SRPK2: variants seen among roughly 807,000 people sequenced by gnomAD.
SRPK2 encodes SFRS protein kinase 2.
SRPK2 carries 21 observed loss-of-function variants against 90.8 expected under a neutral mutation model. That is an observed-to-expected ratio of 0.23 (90% CI 0.16 to 0.33). The LOEUF is 0.33. SRPK2 is among the 10% of genes least tolerant of loss of function. The pLI is 1.00. For synonymous variants in SRPK2, 288 were observed against 311.1 expected, an observed-to-expected ratio of 0.93 and a Z score of 0.78; for missense variants, 620 against 869.0, an observed-to-expected ratio of 0.71 and a Z score of 3.60.
intron 2 of SRPK2, among the ~76,000 whole-genome samples, chr7:105,207,411 C>T (rs1796347222): frequency 6.6e-6 from 1 of 152,166 alleles, no homozygotes; most frequent in African/African-American, 2.4e-5. Context: ...TCACCAAATA[C>T]ATACTCATTA....
At chr7:105,380,108 T>C (rs956173435) in intron 2 of SRPK2, among the ~76,000 whole-genome samples, 1 of 152,122 alleles carries the variant, frequency 6.6e-6, no homozygotes, top group African/African-American at 2.4e-5. Flanking sequence ...AGATCCTATC[T>C]CTAAAAAAGA....
rs1812167456 is a variant in SRPK2, at chr7:105,315,079, C to T, written c.71+73569G>A. 1.3e-5 allele frequency among the ~76,000 whole-genome samples: 2 copies of T among 152,096 alleles called. 1 individual carries two copies. The highest frequency in any genetic ancestry group is 6.3e-3 in the Middle Eastern group (2 of 316). On this transcript the variant is annotated intron_variant, in intron 2 of 15. Transcript: ENST00000393651. ...ATCACTTGAGCACAGGAGTTCGAGA[C>T]CAGCCTGCACACCATAGGGGATCCC...
chr7:105,203,562 C>A, intron 3 of SRPK2, 66 bp downstream of exon 3: 2 of 1,388,758 alleles, frequency 1.4e-6, no homozygotes, highest in Non-Finnish European at 1.9e-6. Context: ...TGTCCATTCC[C>A]CCAACAAATT....
intron 2 of SRPK2, among the ~76,000 whole-genome samples, chr7:105,298,401 C>T (rs1187083973): frequency 6.6e-6 from 1 of 152,130 alleles, no homozygotes; most frequent in Non-Finnish European, 1.5e-5. Context: ...ATTTGAAAAG[C>T]CCACATTTTT....
At chr7:105,267,170 A>G (rs1026732696) in intron 2 of SRPK2, among the ~76,000 whole-genome samples, 1 of 152,174 alleles carries the variant, frequency 6.6e-6, no homozygotes, top group East Asian at 1.9e-4. Flanking sequence ...GTAAATAAAT[A>G]AAATCACTAA....
At chr7:105,175,964 AC>A (rs1791788613) in intron 3 of SRPK2, among the ~76,000 whole-genome samples, 1 of 152,210 alleles carries the variant, frequency 6.6e-6, no homozygotes, top group African/African-American at 2.4e-5. Context: ...AAGAGGAAAT[AC>A]TTCCAGTTTT....
chr7:105,205,863 T>G, intron 2 of SRPK2: 1 of 509,192 alleles, frequency 2.0e-6, no homozygotes, highest in Admixed American at 2.0e-5. Context: ...TGAGAAATAC[T>G]TTGAAAGCTA....
intron 2 of SRPK2, among the ~76,000 whole-genome samples, chr7:105,361,063 T>G (rs1162518208): frequency 6.6e-6 from 1 of 152,214 alleles, no homozygotes; most frequent in African/African-American, 2.4e-5. Flanking sequence ...ATGACATGAT[T>G]GTCTATTTAG....
chr7:105,352,936 A>G (rs1200019084), intron 2 of SRPK2, among the ~76,000 whole-genome samples: 1 of 152,050 alleles, frequency 6.6e-6, no homozygotes, highest in Non-Finnish European at 1.5e-5. Flanking sequence ...TAGTCATCAG[A>G]ATTACATGAT....
intron 2 of SRPK2, among the ~76,000 whole-genome samples, chr7:105,329,056 A>G (rs971059702): frequency 1.2e-4 from 19 of 152,030 alleles, no homozygotes; most frequent in Non-Finnish European, 5.9e-5. Context: ...TAAACAGAAT[A>G]AGAACTGCAA....
intron 2 of SRPK2, among the ~76,000 whole-genome samples, chr7:105,246,448 A>G (rs1020456468): frequency 1.1e-4 from 16 of 152,262 alleles, no homozygotes; most frequent in African/African-American, 3.9e-4. Context: ...GATGTAAAGT[A>G]GACAGCTGGA....
chr7:105,344,555 A>G (rs1296468266), intron 2 of SRPK2, among the ~76,000 whole-genome samples: 7 of 151,676 alleles, frequency 4.6e-5, no homozygotes, highest in Non-Finnish European at 8.8e-5. Flanking sequence ...AATTTCCTGT[A>G]ATGTCACAAA....
At chr7:105,329,998 G>A (rs765031016) in intron 2 of SRPK2, among the ~76,000 whole-genome samples, 7 of 151,968 alleles carry the variant, frequency 4.6e-5, no homozygotes, top group Non-Finnish European at 1.0e-4. Flanking sequence ...TCACGTCCCG[G>A]CACTCCAACC....
upstream of SRPK2, among the ~76,000 whole-genome samples, chr7:105,393,705 T>A (rs549692190): frequency 2.0e-5 from 3 of 152,152 alleles, no homozygotes; most frequent in South Asian, 6.2e-4. Flanking sequence ...CATTTTAAAA[T>A]ATAGAATTCA....
At chr7:105,331,167 G>A (rs781070659) in intron 2 of SRPK2, among the ~76,000 whole-genome samples, 1 of 151,622 alleles carries the variant, frequency 6.6e-6, no homozygotes, top group Non-Finnish European at 1.5e-5. Context: ...AGATTAGCTG[G>A]GTGTGGTGGT....
At chr7:105,333,854 T>A (rs914694696) in intron 2 of SRPK2, among the ~76,000 whole-genome samples, 5 of 152,238 alleles carry the variant, frequency 3.3e-5, no homozygotes, top group Non-Finnish European at 5.9e-5. Flanking sequence ...TTATAACATA[T>A]AAATATACAC....
chr7:105,181,480 T>C (rs1249802397), intron 3 of SRPK2, among the ~76,000 whole-genome samples: 1 of 152,058 alleles, frequency 6.6e-6, no homozygotes, highest in Admixed American at 6.6e-5. Context: ...TCATCAACAG[T>C]AGACTGGATA....
At chr7:105,314,545 G>A (rs528973354) in intron 2 of SRPK2, among the ~76,000 whole-genome samples, 20 of 152,016 alleles carry the variant, frequency 1.3e-4, no homozygotes, top group Non-Finnish European at 2.2e-4. Context: ...CATCACGCCC[G>A]GCCAATTTTT....
intron 2 of SRPK2, among the ~76,000 whole-genome samples, chr7:105,369,205 G>A (rs183202561): frequency 1.1e-4 from 17 of 151,730 alleles, no homozygotes; most frequent in African/African-American, 4.1e-4. Flanking sequence ...GCAGTGAAAT[G>A]GCACAATCTC....
Sources: allele counts gnomAD v4.1 joint callset (sites outside exome capture counted in the v4.1 genomes callset), GRCh38; gene constraint gnomAD v4.1.1; transcripts MANE v1.5; gene names NCBI Gene and HGNC (gene_info 2026-07-23, HGNC 2026-07-21).